The following SUZ12 variants were observed in gnomAD, a reference collection of about 807,000 sequenced individuals.
SUZ12 encodes the protein SUZ12 polycomb repressive complex 2 subunit.
Under a neutral mutation model 87.3 loss-of-function variants are expected in SUZ12, and 17 were observed. The observed-to-expected ratio is 0.19, with a 90% confidence interval of 0.13 to 0.29. The LOEUF (loss-of-function observed/expected upper bound fraction) is 0.29. SUZ12 is among the 10% of genes least tolerant of loss of function. The pLI, the probability that SUZ12 is intolerant of heterozygous loss-of-function variation, is 1.00. For missense variants in SUZ12, 526 were observed against 912.2 expected (o/e 0.58, Z 5.45); for synonymous variants, 253 against 312.4 (o/e 0.81, Z 2.01).
At chr17:31,995,056 A>G (rs142954811) in intron 13 of SUZ12, among the ~76,000 whole-genome samples, 5 of 152,352 alleles carry the variant, frequency 3.3e-5, no homozygotes, top group African/African-American at 1.2e-4. Flanking sequence ...AGGTTGTGCC[A>G]TTGCACTCCG....
rs976267590 is a variant in SUZ12, at chr17:31,999,896, G to A, written c.*893G>A. 4 of 232,636 alleles carry A rather than the reference G, an allele frequency of 1.7e-5. No homozygotes were observed. Among genetic ancestry groups the A allele is most frequent in the Non-Finnish European group, 2.5e-5 (3 of 117,804 alleles). The allele number at this position is 232,636 out of a possible 1,614,324, so 14.4% of individuals were successfully genotyped here. ...GATTTTAAGATGTCACTTATAAGGGGAGAAGTGTTCTTAAAAAGTCAACCA... is the reference window on the plus strand; with the variant it reads ...GATTTTAAGATGTCACTTATAAGGGAAGAAGTGTTCTTAAAAAGTCAACCA... On this transcript the variant is annotated 3_prime_UTR_variant, in exon 16 of 16. Transcript: ENST00000322652.
In SUZ12 at chr17:31,937,397, A is replaced by G. The variant is rs991089457; in HGVS notation, c.151A>G (p.Ser51Gly). Residue 51 changes from serine (S) to glycine (G), a missense_variant, in exon 1 of 16, where the codon AGT becomes GGT. This residue lies in a region of SUZ12 where 92 missense variants were observed against 109.9 expected (regional missense o/e 0.84). Transcript: ENST00000322652. ...CGGCGGGAGCTGTGGAGGGGGTGGC[A>G]GTTACTCGGCCTCCTCCTCCTCCTC... Reference protein sequence around the residue: ...SGGGSCGGGGSYSASSSSSAA... With the variant: ...SGGGSCGGGGGYSASSSSSAA... The G allele has an allele frequency of 2.0e-5, 30 of 1,538,080 alleles. No homozygotes were observed. Among genetic ancestry groups the G allele is most frequent in the East Asian group, 2.5e-5 (1 of 39,340 alleles).
At chr17:31,944,691 G>T (rs1906515717) in intron 3 of SUZ12, among the ~76,000 whole-genome samples, 1 of 152,102 alleles carries the variant, frequency 6.6e-6, no homozygotes, top group East Asian at 1.9e-4. Context: ...GCTAGGCATG[G>T]TGTTTCAGAC....
In SUZ12 at chr17:31,999,048, T is replaced by G. The variant is rs756787684; in HGVS notation, c.*45T>G. On this transcript the variant is annotated 3_prime_UTR_variant, in exon 16 of 16. Coordinates refer to ENST00000322652, the MANE Select transcript of SUZ12 (RefSeq NM_015355.4). ...ATGGACAAACACTGAAATTACATTT[T>G]AGGGAATTCATCCTCTAAGAATTAT... The G allele has an allele frequency of 8.4e-6, 12 of 1,436,534 alleles. No homozygotes were observed. Among genetic ancestry groups the G allele is most frequent in the Non-Finnish European group, 1.1e-5 (12 of 1,080,212 alleles). 89.0% of individuals were successfully genotyped at this position (1,436,534 alleles called of 1,614,324 possible). A position where few individuals can be genotyped will look rare whatever the true frequency, so the allele number is the denominator to read the frequency against.
chr17:31,941,147 G>T (rs1567810318), intron 3 of SUZ12, among the ~76,000 whole-genome samples: 1 of 151,606 alleles, frequency 6.6e-6, no homozygotes, highest in Non-Finnish European at 1.5e-5. Context: ...GTCTGTCCAG[G>T]TTGGAGTGCA....
intron 13 of SUZ12, 127 bp from the exon 14 acceptor site, chr17:31,995,437 C>G: frequency 1.4e-6 from 1 of 693,906 alleles, no homozygotes; most frequent in Non-Finnish European, 2.4e-6. Context: ...GCCTCTAATA[C>G]TATTGTTTTA....
At chr17:31,988,299 T>C (rs1411987419) in intron 9 of SUZ12, 21 bp from the exon 10 acceptor site, 4 of 1,524,160 alleles carry the variant, frequency 2.6e-6, no homozygotes, top group Non-Finnish European at 2.6e-6. Context: ...CTCCAGTCTT[T>C]GCATGTTTTT....
intron 4 of SUZ12, among the ~76,000 whole-genome samples, chr17:31,956,061 T>C (rs539762365): frequency 5.8e-4 from 88 of 151,940 alleles, no homozygotes; most frequent in Non-Finnish European, 7.2e-4. Flanking sequence ...TATAGGCGCC[T>C]GCCACCACGC....
At chr17:31,956,716 T>C (rs1907361351) in intron 4 of SUZ12, among the ~76,000 whole-genome samples, 1 of 152,082 alleles carries the variant, frequency 6.6e-6, no homozygotes, top group Non-Finnish European at 1.5e-5. Context: ...ATTAAATTCT[T>C]AAATTATTTA....
intron 4 of SUZ12, among the ~76,000 whole-genome samples, chr17:31,949,318 G>T (rs1026269965): frequency 3.2e-4 from 48 of 152,068 alleles, no homozygotes; most frequent in African/African-American, 1.2e-3. Flanking sequence ...TAAAATCAGA[G>T]GGTTACATAA....
intron 4 of SUZ12, among the ~76,000 whole-genome samples, chr17:31,964,598 G>A (rs1239524140): frequency 6.6e-6 from 1 of 151,944 alleles, no homozygotes; most frequent in African/African-American, 2.4e-5. Context: ...GTAGAGACTG[G>A]GTTTCACCAT....
At chr17:31,997,070 G>T (rs139760636) in intron 15 of SUZ12, among the ~76,000 whole-genome samples, 193 bp downstream of exon 15, 1 of 151,522 alleles carries the variant, frequency 6.6e-6, no homozygotes, top group Non-Finnish European at 1.5e-5. Flanking sequence ...GTTCCTTTTG[G>T]TATTATTTAT....
intron 3 of SUZ12, among the ~76,000 whole-genome samples, chr17:31,947,245 C>T (rs570381914): frequency 2.0e-5 from 3 of 152,064 alleles, no homozygotes; most frequent in South Asian, 4.2e-4. Flanking sequence ...TACTGCCCTT[C>T]AGGAATATAT....
chr17:31,968,546 T>A (rs901536414), intron 5 of SUZ12, among the ~76,000 whole-genome samples: 2 of 152,214 alleles, frequency 1.3e-5, no homozygotes, highest in Non-Finnish European at 2.9e-5. Context: ...TTAGGGTTTT[T>A]ATGTAAGAAA....
intron 4 of SUZ12, among the ~76,000 whole-genome samples, chr17:31,964,950 C>T (rs1279799772): frequency 6.6e-6 from 1 of 151,896 alleles, no homozygotes; most frequent in Non-Finnish European, 1.5e-5. Context: ...CCATTGCACT[C>T]CAACCTGGGC....
intron 8 of SUZ12, among the ~76,000 whole-genome samples, chr17:31,980,255 A>G (rs1747765680): frequency 6.6e-6 from 1 of 151,978 alleles, no homozygotes; most frequent in South Asian, 2.1e-4. Flanking sequence ...GTATGGATTA[A>G]CAAATTCTAT....
chr17:31,949,660 GCCC>G (rs796561870), intron 4 of SUZ12, among the ~76,000 whole-genome samples: 149 of 5,372 alleles, frequency 0.028, no homozygotes, highest in African/African-American at 0.036. Context: ...ACCACACCCA[GCCC>G]CCCCCCCCCC....
chr17:31,964,326 C>T (rs1265611636), intron 4 of SUZ12, among the ~76,000 whole-genome samples: 1 of 149,702 alleles, frequency 6.7e-6, no homozygotes, highest in Admixed American at 6.6e-5. Flanking sequence ...CACCCAGCCC[C>T]TAGCATACTT....
intron 4 of SUZ12, among the ~76,000 whole-genome samples, chr17:31,964,982 CAA>C (rs772834149): frequency 6.1e-4 from 92 of 150,656 alleles, no homozygotes; most frequent in South Asian, 3.2e-3. Context: ...AACTTCATCT[CAA>C]AAAAAAGAAA....
Sources: allele counts gnomAD v4.1 joint callset (sites outside exome capture counted in the v4.1 genomes callset), GRCh38; gene constraint gnomAD v4.1.1; regional missense constraint gnomAD v4.1.1; transcripts MANE v1.5; gene names NCBI Gene and HGNC (gene_info 2026-07-23, HGNC 2026-07-21).